Variants in CNTNAP2 observed in about 807,000 individuals in gnomAD.
CNTNAP2 encodes the protein contactin-associated protein-like 2.
A neutral mutation model predicts 155.2 loss-of-function variants in CNTNAP2; 98 were observed. The observed-to-expected ratio is 0.63, with a 90% CI of 0.54 to 0.75. The LOEUF (loss-of-function observed/expected upper bound fraction) is 0.75. CNTNAP2 is among the 30% of genes least tolerant of loss of function. CNTNAP2 has a pLI of 0.00. For synonymous variants in CNTNAP2, 651 were observed against 631.2 expected (o/e 1.03, Z -0.47); for missense variants, 1,727 against 1,688.1 (o/e 1.02, Z -0.40).
intron 1 of CNTNAP2, among the ~76,000 whole-genome samples, chr7:146,601,829 A>G (rs1798955252): frequency 6.6e-6 from 1 of 152,126 alleles, no homozygotes; most frequent in Non-Finnish European, 1.5e-5. Flanking sequence ...CAAAAAAAGT[A>G]GAAGAATTAA....
chr7:148,093,968 G>A (rs1413166556), intron 15 of CNTNAP2, among the ~76,000 whole-genome samples: 3 of 152,134 alleles, frequency 2.0e-5, no homozygotes, highest in Non-Finnish European at 4.4e-5. Flanking sequence ...ATGTTGCCCA[G>A]GCTGGTCTCA....
intron 11 of CNTNAP2, among the ~76,000 whole-genome samples, chr7:147,499,150 G>A (rs1313135850): frequency 1.3e-5 from 2 of 152,108 alleles, no homozygotes; most frequent in African/African-American, 2.4e-5. Context: ...TTTGATGGTT[G>A]GGAAGATGAG....
intron 13 of CNTNAP2, among the ~76,000 whole-genome samples, chr7:147,657,775 C>G (rs1345968282): frequency 1.3e-5 from 2 of 152,122 alleles, no homozygotes; most frequent in African/African-American, 2.4e-5. Context: ...AGACATTGGC[C>G]TTCACTTGTA....
intron 20 of CNTNAP2, among the ~76,000 whole-genome samples, chr7:148,247,586 C>T (rs1796286193): frequency 6.8e-6 from 1 of 146,132 alleles, no homozygotes; most frequent in Admixed American, 6.9e-5. Flanking sequence ...TTCGGGTCAG[C>T]TTCTCCCATT....
At chr7:147,328,746 A>C (rs1346997655) in intron 9 of CNTNAP2, among the ~76,000 whole-genome samples, 1 of 152,128 alleles carries the variant, frequency 6.6e-6, no homozygotes, top group African/African-American at 2.4e-5. Flanking sequence ...ACCCTTATAC[A>C]TGCATATACC....
intron 4 of CNTNAP2, among the ~76,000 whole-genome samples, chr7:147,056,983 GGTTT>G (rs1314592327): frequency 6.7e-6 from 1 of 148,424 alleles, no homozygotes; most frequent in Non-Finnish European, 1.5e-5. Context: ...TTTTTTTTTT[GGTTT>G]GTTTGTTTGT....
chr7:146,205,028 T>C (rs1485500845), intron 1 of CNTNAP2, among the ~76,000 whole-genome samples: 1 of 152,044 alleles, frequency 6.6e-6, no homozygotes, highest in East Asian at 1.9e-4. Context: ...ACTGGAGACT[T>C]AAGAAATATG....
intron 1 of CNTNAP2, among the ~76,000 whole-genome samples, chr7:146,449,986 A>G (rs113139534): frequency 1.3e-5 from 2 of 152,150 alleles, no homozygotes; most frequent in Non-Finnish European, 2.9e-5. Context: ...CTATTTCTAT[A>G]CAGAACACAA....
chr7:148,148,722 T>C (rs780717064), intron 17 of CNTNAP2, among the ~76,000 whole-genome samples: 29 of 152,226 alleles, frequency 1.9e-4, no homozygotes, highest in Non-Finnish European at 4.1e-4. Context: ...TGAAGAGCGG[T>C]AGAATGTCAT....
chr7:148,194,968 A>T (rs1795253535), intron 18 of CNTNAP2, among the ~76,000 whole-genome samples: 1 of 152,134 alleles, frequency 6.6e-6, no homozygotes, highest in Non-Finnish European at 1.5e-5. Flanking sequence ...ATGACACATG[A>T]TATTAACCAT....
intron 13 of CNTNAP2, among the ~76,000 whole-genome samples, chr7:147,734,643 T>C (rs1275115266): frequency 3.3e-5 from 5 of 152,232 alleles, no homozygotes; most frequent in African/African-American, 9.6e-5. Context: ...ATCTGTCTGG[T>C]CCTGCACATT....
At chr7:147,681,554 A>G (rs1302009858) in intron 13 of CNTNAP2, among the ~76,000 whole-genome samples, 2 of 151,854 alleles carry the variant, frequency 1.3e-5, no homozygotes, top group African/African-American at 4.8e-5. Context: ...TTTATCTTCC[A>G]TCTTGTTTAT....
intron 18 of CNTNAP2, among the ~76,000 whole-genome samples, chr7:148,196,999 G>GA (rs1191368673): frequency 2.0e-5 from 3 of 151,162 alleles, no homozygotes; most frequent in East Asian, 1.9e-4. Context: ...TTTCTAAAAG[G>GA]AAAAAAAACA....
chr7:148,133,037 T>C (rs1804865371), intron 16 of CNTNAP2, among the ~76,000 whole-genome samples: 1 of 152,314 alleles, frequency 6.6e-6, no homozygotes, highest in South Asian at 2.1e-4. Context: ...ATTTTTTTAA[T>C]CATACGAATA....
intron 1 of CNTNAP2, among the ~76,000 whole-genome samples, chr7:146,470,992 T>TG (rs201433260): frequency 0.012 from 1,790 of 152,308 alleles, 17 homozygotes; most frequent in South Asian, 0.035. Context: ...TTCAGAACCA[T>TG]GGACCCAATT....
intron 2 of CNTNAP2, among the ~76,000 whole-genome samples, chr7:146,837,829 T>C (rs1008616402): frequency 6.6e-6 from 1 of 152,178 alleles, no homozygotes; most frequent in Non-Finnish European, 1.5e-5. Context: ...TTTTATGGGA[T>C]GTCTACTGAA....
intron 8 of CNTNAP2, among the ~76,000 whole-genome samples, chr7:147,189,757 G>A (rs1554449038): frequency 6.6e-6 from 1 of 151,472 alleles, no homozygotes; most frequent in Non-Finnish European, 1.5e-5. Context: ...TTTTGTTGTT[G>A]TTGTTGAGAC....
chr7:147,707,055 T>C (rs1377316836), intron 13 of CNTNAP2, among the ~76,000 whole-genome samples: 18 of 152,230 alleles, frequency 1.2e-4, no homozygotes. Flanking sequence ...GATTTCTTTG[T>C]ATTCTCTTGC....
chr7:147,639,024 G>C, intron 12 of CNTNAP2, 82 bp from the exon 13 acceptor site: 1 of 1,374,258 alleles, frequency 7.3e-7, no homozygotes, highest in Non-Finnish European at 1.0e-6. Context: ...GACCATTTAA[G>C]TGTGGCTCAA....
Sources: gnomAD v4.1 joint callset for allele counts (sites outside exome capture counted in the v4.1 genomes callset) on GRCh38, gnomAD v4.1.1 for gene constraint, MANE v1.5 for transcripts, NCBI Gene and HGNC (gene_info 2026-07-23, HGNC 2026-07-21) for gene names.